The following ZNF608 variants were observed in gnomAD, a reference collection of about 807,000 sequenced individuals.
ZNF608 encodes the protein renal carcinoma antigen NY-REN-36.
A neutral mutation model predicts 109.0 loss-of-function variants in ZNF608; 12 were observed. That is an observed-to-expected ratio of 0.11 (90% CI 0.07 to 0.18). The LOEUF (loss-of-function observed/expected upper bound fraction) is 0.18, where lower values mean the gene tolerates loss of function less well. ZNF608 is among the 10% of genes least tolerant of loss of function. ZNF608 has a pLI of 1.00. For missense variants in ZNF608, 1,707 were observed against 1,879.3 expected (o/e 0.91, Z 1.70); for synonymous variants, 732 against 717.4 (o/e 1.02, Z -0.33).
chr5:124,638,521 T>C (rs1365805742), intron 9 of ZNF608, among the ~76,000 whole-genome samples: 1 of 152,180 alleles, frequency 6.6e-6, no homozygotes, highest in African/African-American at 2.4e-5. Context: ...CCTCCCAAAG[T>C]GGTGGGACTA....
At chr5:124,670,266 T>C (rs1751658926) in intron 3 of ZNF608, among the ~76,000 whole-genome samples, 2 of 152,056 alleles carry the variant, frequency 1.3e-5, no homozygotes, top group African/African-American at 4.8e-5. Flanking sequence ...ATCTCACTTA[T>C]TAAGATAAAA....
chr5:124,737,998 T>A (rs1749224098), intron 2 of ZNF608, among the ~76,000 whole-genome samples: 1 of 152,002 alleles, frequency 6.6e-6, no homozygotes, highest in Non-Finnish European at 1.5e-5. Flanking sequence ...TGCAACAGAG[T>A]GGAACGTAAA....
intron 3 of ZNF608, among the ~76,000 whole-genome samples, chr5:124,668,497 G>T (rs989281209): frequency 6.6e-6 from 1 of 151,790 alleles, no homozygotes; most frequent in East Asian, 1.9e-4. Flanking sequence ...GCCCAGAGAG[G>T]TTAAATGGCT....
rs1006590622 is a variant in ZNF608 at position 124,738,299 on chromosome 5, G to T, written c.906+5785C>A. Among the ~76,000 whole-genome samples, 5 of 152,238 alleles carry T rather than the reference G, an allele frequency of 3.3e-5. No individual in the cohort carries two copies. The East Asian group carries it at 7.7e-4, about 24-fold the overall frequency. ...GAAGAAGGGTTATTTTCCCTAAGATGTTGCTAACAAGGATAGCCCAGTATT... is the reference window on the plus strand; with the variant it reads ...GAAGAAGGGTTATTTTCCCTAAGATTTTGCTAACAAGGATAGCCCAGTATT... On this transcript the variant is annotated intron_variant, in intron 2 of 9. Transcript: ENST00000513986.
chr5:124,738,083 G>T (rs548210896), intron 2 of ZNF608, among the ~76,000 whole-genome samples: 1 of 152,302 alleles, frequency 6.6e-6, no homozygotes, highest in South Asian at 2.1e-4. Context: ...TGTATATGCA[G>T]TTACAACATT....
intron 3 of ZNF608, among the ~76,000 whole-genome samples, chr5:124,650,677 T>C (rs914326093): frequency 6.6e-6 from 1 of 152,248 alleles, no homozygotes; most frequent in African/African-American, 2.4e-5. Context: ...CATATTTTAA[T>C]AGAACCTTGA....
intron 2 of ZNF608, among the ~76,000 whole-genome samples, chr5:124,725,721 C>T (rs1232468160): frequency 6.6e-6 from 1 of 151,648 alleles, no homozygotes; most frequent in African/African-American, 2.4e-5. Flanking sequence ...TAAATCTGTA[C>T]ATATTCTCTG....
At chr5:124,661,165 T>C (rs779445388) in intron 3 of ZNF608, among the ~76,000 whole-genome samples, 1 of 152,238 alleles carries the variant, frequency 6.6e-6, no homozygotes, top group African/African-American at 2.4e-5. Context: ...AACTGAGAAA[T>C]GCAGTTCTAA....
At chr5:124,733,654 G>A (rs1178317715) in intron 2 of ZNF608, among the ~76,000 whole-genome samples, 1 of 151,994 alleles carries the variant, frequency 6.6e-6, no homozygotes, top group Non-Finnish European at 1.5e-5. Flanking sequence ...TCACTACAGG[G>A]CCACTAATTT....
intron 3 of ZNF608, among the ~76,000 whole-genome samples, chr5:124,673,967 T>C (rs1751834781): frequency 6.6e-6 from 1 of 152,208 alleles, no homozygotes; most frequent in South Asian, 2.1e-4. Flanking sequence ...AGTATGTACT[T>C]GCAAAGCAAG....
chr5:124,735,763 T>C (rs1440078366), intron 2 of ZNF608, among the ~76,000 whole-genome samples: 1 of 152,246 alleles, frequency 6.6e-6, no homozygotes, highest in East Asian at 1.9e-4. Flanking sequence ...ATTGACCAAA[T>C]GGAGTTGGAT....
intron 3 of ZNF608, among the ~76,000 whole-genome samples, chr5:124,696,649 G>A (rs919393376): frequency 6.6e-6 from 1 of 152,180 alleles, no homozygotes; most frequent in Non-Finnish European, 1.5e-5. Context: ...TGGAGTTCAT[G>A]TTGAGGAGCA....
rs1461703503 is a variant in ZNF608 at position 124,648,857 on chromosome 5, G to A, written c.1527C>T (p.Asp509=). The A allele has an allele frequency of 6.2e-7, 1 of 1,613,952 alleles. No individual in the cohort carries two copies. The highest frequency in any genetic ancestry group is 1.7e-5 in the Admixed American group (1 of 59,986). ...TATTGTCCTCAGAGCTGGAGTTCAG[G>A]TCCAGCTCCATTGGAGGCTTGTTTT... ...KRKNKPPMEL[D]LNSSSEDNKP... The change falls in exon 5 of 10, where the codon GAC becomes GAT. Residue 509 remains aspartate (D), a synonymous_variant. Transcript: ENST00000513986.
chr5:124,644,948 G>T (rs534645406), intron 5 of ZNF608, among the ~76,000 whole-genome samples: 1 of 152,202 alleles, frequency 6.6e-6, no homozygotes, highest in South Asian at 2.1e-4. Context: ...CGTGGAGCTG[G>T]GCTTCAAACT....
intron 2 of ZNF608, among the ~76,000 whole-genome samples, chr5:124,719,735 G>A (rs2149877173): frequency 1.3e-5 from 2 of 152,312 alleles, no homozygotes; most frequent in South Asian, 4.1e-4. Context: ...TGTAATTACA[G>A]AAGCAAAGGT....
rs755871868 is a variant in ZNF608, at chr5:124,644,681, GA to G, written c.3706-21del. 8 of 1,513,490 alleles carry G rather than the reference GA, an allele frequency of 5.3e-6. No homozygotes were observed. Among genetic ancestry groups the G allele is most frequent in the Middle Eastern group, 1.8e-4 (1 of 5,598 alleles). The allele number at this position is 1,513,490 out of a possible 1,614,324, so 93.8% of individuals were successfully genotyped here. A position where few individuals can be genotyped will look rare whatever the true frequency, so the allele number is the denominator to read the frequency against. On this transcript the variant is annotated intron_variant, in intron 5 of 9. Coordinates refer to ENST00000513986, the MANE Select transcript of ZNF608 (RefSeq NM_020747.3). ...TGGGTCCTGATTTTTTTGTTTTAAAGAAAAAAAACCCAACAGATTTGTTTTA... is the reference window on the plus strand; with the variant it reads ...TGGGTCCTGATTTTTTTGTTTTAAAGAAAAAAACCCAACAGATTTGTTTTA...
At chr5:124,687,816 CT>C (rs1752464282) in intron 3 of ZNF608, among the ~76,000 whole-genome samples, 1 of 152,138 alleles carries the variant, frequency 6.6e-6, no homozygotes, top group Non-Finnish European at 1.5e-5. Flanking sequence ...GTAGATACTA[CT>C]TTTAAAAACT....
At chr5:124,685,136 A>G (rs112307790) in intron 3 of ZNF608, among the ~76,000 whole-genome samples, 1 of 149,922 alleles carries the variant, frequency 6.7e-6, no homozygotes, top group Middle Eastern at 3.2e-3. Flanking sequence ...GTCACACACT[A>G]TCAACTCCAA....
intron 2 of ZNF608, among the ~76,000 whole-genome samples, chr5:124,717,347 T>G (rs1368932507): frequency 6.6e-6 from 1 of 151,408 alleles, no homozygotes; most frequent in Non-Finnish European, 1.5e-5. Context: ...GGCAAGCACC[T>G]GTAATCCCAG....
Sources: gnomAD v4.1 joint callset for allele counts (sites outside exome capture counted in the v4.1 genomes callset) on GRCh38, gnomAD v4.1.1 for gene constraint, MANE v1.5 for transcripts, NCBI Gene and HGNC (gene_info 2026-07-23, HGNC 2026-07-21) for gene names.